Variants in PRRC2B observed in about 807,000 individuals in gnomAD.
PRRC2B encodes the protein proline rich coiled-coil 2B.
Under a neutral mutation model 242.3 loss-of-function variants are expected in PRRC2B, and 68 were observed. The ratio of observed to expected loss-of-function variants is 0.28; its 90% CI spans 0.23 to 0.34. The LOEUF (loss-of-function observed/expected upper bound fraction) is 0.34. Among genes scored for constraint, PRRC2B ranks in the 10% least tolerant of loss-of-function variants. The pLI is 1.00. For synonymous variants in PRRC2B, 1,228 were observed against 1,173.6 expected, an observed-to-expected ratio of 1.05 and a Z score of -0.95; for missense variants, 2,835 against 2,954.8, an observed-to-expected ratio of 0.96 and a Z score of 0.94.
Position 131,455,138 on chromosome 9 carries a change from G to T in PRRC2B, c.1183G>T (p.Glu395Ter). ...LKFSDDEEEE[E>*]VVKDGRPKWN... Reference sequence around the variant, plus strand: ...GTTCAGTGATGATGAAGAGGAGGAAGAAGTTGTGAAGGACGGCAGGCCAAA... The same window carrying T: ...GTTCAGTGATGATGAAGAGGAGGAATAAGTTGTGAAGGACGGCAGGCCAAA... The change falls in exon 10 of 32, where the codon GAA becomes TAA. Residue 395 changes from glutamate (E) to a stop codon, truncating the protein, a stop_gained. Coordinates refer to ENST00000683519, the MANE Select transcript of PRRC2B (RefSeq NM_013318.4). LOFTEE classifies it high-confidence loss of function. The T allele has an allele frequency of 6.2e-7, 1 of 1,613,846 alleles. No homozygotes were observed. Among genetic ancestry groups the T allele is most frequent in the Non-Finnish European group, 8.5e-7 (1 of 1,179,812 alleles).
rs1381917367 is a variant in PRRC2B at position 131,491,489 on chromosome 9, A to C, written c.6290A>C (p.Gln2097Pro). Residue 2097 changes from glutamine to proline, a missense_variant, in exon 29 of 32, where the codon CAG becomes CCG. Physicochemically the swap from Gln to Pro is moderately conservative, Grantham distance 76. Around this residue, in one of 7 missense-constraint regions of PRRC2B, gnomAD observed 574 missense variants for 626.0 expected, o/e 0.92. Coordinates refer to ENST00000683519, the MANE Select transcript of PRRC2B (RefSeq NM_013318.4). The stretch of plus-strand genomic sequence containing the variant: ...CCACTGATCCTGCCCCAGTCTATTC[A>C]GCTGCCACCTGGGCAGAGCCTCTCC... ...QQPLILPQSI[Q>P]LPPGQSLSVG... 1 of 1,612,454 alleles carries C rather than the reference A, an allele frequency of 6.2e-7. No individual in the cohort carries two copies. Among genetic ancestry groups the C allele is most frequent in the East Asian group, 2.2e-5 (1 of 44,856 alleles).
At position 131,476,451 on chromosome 9, in the gene PRRC2B, G is replaced by A. The variant is rs1156312056; in HGVS notation, c.4322G>A (p.Gly1441Glu). The change falls in exon 16 of 32, where the codon GGG (glycine) becomes GAG (glutamate). Residue 1441 changes from glycine (G) to glutamate (E), a missense_variant. Physicochemically the swap from Gly to Glu is moderately conservative, Grantham distance 98. Around this residue, in one of 7 missense-constraint regions of PRRC2B, gnomAD observed 1,536 missense variants for 1,483.1 expected, o/e 1.04. Transcript: ENST00000683519. ...QSRKLEPGGF[G>E]EKPVRPGGGD... ...CGAAAGCTGGAGCCGGGAGGGTTTG[G>A]GGAGAAGCCCGTTAGGCCAGGTGGT... 6.2e-7 allele frequency: 1 copy of A among 1,613,344 alleles called. No individual in the cohort carries two copies. The highest frequency in any genetic ancestry group is 1.3e-5 in the African/African-American group (1 of 75,050).
chr9:131,396,320 C>T (rs75538023), intron 1 of PRRC2B, among the ~76,000 whole-genome samples: 27 of 130,496 alleles, frequency 2.1e-4, no homozygotes, highest in Admixed American at 4.8e-4. Context: ...TTTTTCTTTT[C>T]TTTTCTTTTT....
intron 3 of PRRC2B, among the ~76,000 whole-genome samples, chr9:131,435,540 G>T (rs1838327650): frequency 6.6e-6 from 1 of 151,610 alleles, no homozygotes; most frequent in Non-Finnish European, 1.5e-5. Context: ...GCTTGAACCT[G>T]GGAGAAAGAG....
Position 131,494,518 on chromosome 9 carries a change from TG to T in PRRC2B, c.6555+34del. 1 of 1,264,626 alleles carries T rather than the reference TG, an allele frequency of 7.9e-7. No individual in the cohort carries two copies. The highest frequency in any genetic ancestry group is 1.1e-6 in the Non-Finnish European group (1 of 880,510). The allele number at this position is 1,264,626 out of a possible 1,614,324, so 78.3% of individuals were successfully genotyped here. ...GATGGCTTTCCAGACCCTTCAGCCC[TG>T]GACACTTAGGCCCGTCTCCAAGCGC... On this transcript the variant is annotated intron_variant, in intron 31 of 31. Transcript: ENST00000683519. The surrounding 1 kb of genome is among the most constrained non-coding windows in gnomAD (Gnocchi z 4.3).
At chr9:131,420,488 TC>T (rs1375244404) in intron 1 of PRRC2B, among the ~76,000 whole-genome samples, 6 of 18,170 alleles carry the variant, frequency 3.3e-4, no homozygotes, top group East Asian at 1.5e-3. Context: ...TTTCTTTCTT[TC>T]TTTCTTTTTT....
At chr9:131,438,937 G>T in intron 4 of PRRC2B, 52 bp from the exon 5 acceptor site, 2 of 1,420,044 alleles carry the variant, frequency 1.4e-6, no homozygotes, top group Non-Finnish European at 2.0e-6. Flanking sequence ...GGCTGTTATT[G>T]TACAGTGGAA....
rs1049697433 is a variant in PRRC2B, at chr9:131,446,221, T to C, written c.614-180T>C. Among the ~76,000 whole-genome samples the C allele has an allele frequency of 2.0e-5, 3 of 152,202 alleles. No individual in the cohort carries two copies. The highest frequency in any genetic ancestry group is 7.2e-5 in the African/African-American group (3 of 41,464). ...ACTTCCCTCAGCAAGTTCATCCTCA[T>C]TGGCCAGGGGTCTGCCCCAACCTTC... On this transcript the variant is annotated intron_variant, in intron 6 of 31. Coordinates refer to ENST00000683519, the MANE Select transcript of PRRC2B (RefSeq NM_013318.4). This position sits in a 1 kb window ranked among gnomAD's most constrained non-coding sequence, Gnocchi z 4.1.
chr9:131,468,811 C>T (rs1162365264), intron 13 of PRRC2B, among the ~76,000 whole-genome samples: 3 of 152,180 alleles, frequency 2.0e-5, no homozygotes, highest in African/African-American at 7.2e-5. Flanking sequence ...CTTTAAACTT[C>T]TCACCTCAGC....
At position 131,478,635 on chromosome 9, in the gene PRRC2B, T is replaced by TGAGGGGGGGAGGGG; in HGVS notation, c.4758+17_4758+18insAGGGGGGGAGGGGG. 5.7e-6 allele frequency: 1 copy of TGAGGGGGGGAGGGG among 176,698 alleles called. No homozygotes were observed. Among genetic ancestry groups the TGAGGGGGGGAGGGG allele is most frequent in the Admixed American group, 7.0e-5 (1 of 14,324 alleles). The allele number at this position is 176,698 out of a possible 1,614,324, so 10.9% of individuals were successfully genotyped here. On this transcript the variant is annotated intron_variant, in intron 18 of 31. Coordinates refer to ENST00000683519, the MANE Select transcript of PRRC2B (RefSeq NM_013318.4). ...GGCCGTGCAGGTGAGGGGCGGAGGG[T>TGAGGGGGGGAGGGG]GGGGGGGCATGGGGCTGGAGGGCAG...
At chr9:131,462,836 T>TAAAAAAAAAAA (rs553444971) in intron 11 of PRRC2B, among the ~76,000 whole-genome samples, 2 of 81,940 alleles carry the variant, frequency 2.4e-5, no homozygotes, top group Non-Finnish European at 2.2e-5. Context: ...AGACTCCGTC[T>TAAAAAAAAAAA]AAAAAAAAAA....
At chr9:131,445,248 C>T (rs1838759626) in intron 6 of PRRC2B, among the ~76,000 whole-genome samples, 1 of 152,094 alleles carries the variant, frequency 6.6e-6, no homozygotes, top group African/African-American at 2.4e-5. Flanking sequence ...GCAACCTCCG[C>T]CTCCCGGGTT....
intron 1 of PRRC2B, among the ~76,000 whole-genome samples, chr9:131,375,576 G>A (rs927438676): frequency 1.3e-5 from 2 of 152,030 alleles, no homozygotes; most frequent in East Asian, 1.9e-4. Flanking sequence ...GTAGGAGCTC[G>A]CCATGTTATC....
intron 3 of PRRC2B, among the ~76,000 whole-genome samples, chr9:131,433,979 T>C (rs753627767): frequency 2.0e-5 from 3 of 152,208 alleles, no homozygotes; most frequent in Admixed American, 6.5e-5. Context: ...ACTTTTGAAA[T>C]CTACCAGCCC....
At chr9:131,400,677 G>T (rs1837204948) in intron 1 of PRRC2B, among the ~76,000 whole-genome samples, 1 of 152,110 alleles carries the variant, frequency 6.6e-6, no homozygotes, top group South Asian at 2.1e-4. Context: ...CTATCAAAGT[G>T]CTGGGATTAC....
At position 131,447,093 on chromosome 9, in the gene PRRC2B, G is replaced by A. The variant is rs1838826443; in HGVS notation, c.864G>A (p.Ser288=). 4.3e-6 allele frequency: 7 copies of A among 1,613,980 alleles called. No individual in the cohort carries two copies. The highest frequency in any genetic ancestry group is 1.6e-4 in the Middle Eastern group (1 of 6,062). ...TTGATGTTATGTTTCAGATGTGTTC[G>A]CCGAAGTCATCAGAAAACCAGGGTA... ...YHDMLPAFMC[S]PKSSENQGTV... Residue 288 remains serine (S), a synonymous_variant, in exon 8 of 32, where the codon TCG becomes TCA. Transcript: ENST00000683519.
intron 1 of PRRC2B, among the ~76,000 whole-genome samples, chr9:131,380,225 C>T (rs1363753592): frequency 1.3e-5 from 2 of 151,068 alleles, no homozygotes; most frequent in Non-Finnish European, 2.9e-5. Context: ...CACTGCACTC[C>T]AGCCTGGTGA....
chr9:131,495,497 C>G (rs540170715), intron 31 of PRRC2B, among the ~76,000 whole-genome samples: 1 of 152,078 alleles, frequency 6.6e-6, no homozygotes, highest in South Asian at 2.1e-4. Flanking sequence ...GTGGAGGACC[C>G]GGTGTCTTCC....
In PRRC2B at chr9:131,488,012, G is replaced by T. The variant is rs772180420; in HGVS notation, c.6141G>T (p.Gly2047=). 4 of 1,612,354 alleles carry T rather than the reference G, an allele frequency of 2.5e-6. No homozygotes were observed. Among genetic ancestry groups the T allele is most frequent in the African/African-American group, 1.3e-5 (1 of 74,998 alleles). ...QSGSPYQPMS[G]NQALVYEGQL... ...GCTCACCCTACCAGCCCATGAGCGGGAACCAAGCCCTGGTCTACGAGGGCC... is the reference window on the plus strand; with the variant it reads ...GCTCACCCTACCAGCCCATGAGCGGTAACCAAGCCCTGGTCTACGAGGGCC... The change falls in exon 28 of 32, where the codon GGG becomes GGT. Residue 2047 remains glycine (G), a synonymous_variant. Transcript: ENST00000683519.
Sources: gnomAD v4.1 joint callset for allele counts (sites outside exome capture counted in the v4.1 genomes callset) on GRCh38, gnomAD v4.1.1 for gene constraint, gnomAD v4.1.1 regional missense constraint, Gnocchi (gnomAD v3.1) non-coding constraint, MANE v1.5 for transcripts, NCBI Gene and HGNC (gene_info 2026-07-23, HGNC 2026-07-21) for gene names.